The following CLSTN1 variants were observed in gnomAD, a reference collection of about 807,000 sequenced individuals.
The protein encoded by CLSTN1 is calsyntenin-1.
CLSTN1 carries 28 observed loss-of-function variants against 108.3 expected under a neutral mutation model. The ratio of observed to expected loss-of-function variants is 0.26; its 90% confidence interval spans 0.19 to 0.35. The LOEUF is 0.35. Among genes scored for constraint, CLSTN1 ranks in the 10% least tolerant of loss-of-function variants. The pLI is 1.00. For synonymous variants in CLSTN1, 524 were observed against 534.9 expected (o/e 0.98, Z 0.28); for missense variants, 1,157 against 1,302.6 (o/e 0.89, Z 1.72).
rs530717404 is a variant in CLSTN1 at position 9,807,912 on chromosome 1, C to A, written c.91+15731G>T. ...ACTAGGCTTCTGCCTCCTTCACAAC[C>A]CTTCTCTGGTACCTCGGCCTCCTAG... On this transcript the variant is annotated intron_variant, in intron 1 of 18. Transcript: ENST00000377298. Among the ~76,000 whole-genome samples the A allele has an allele frequency of 2.6e-5, 4 of 152,368 alleles. No homozygotes were observed. In the South Asian group the frequency reaches 8.3e-4, roughly 32 times the overall value.
intron 1 of CLSTN1, among the ~76,000 whole-genome samples, chr1:9,805,838 G>C (rs1654481422): frequency 2.1e-5 from 3 of 140,534 alleles, no homozygotes; most frequent in African/African-American, 8.3e-5. Flanking sequence ...CTGCACTCCA[G>C]CCTGGGTTAC....
chr1:9,788,526 C>T (rs1206989202), intron 1 of CLSTN1, among the ~76,000 whole-genome samples: 2 of 150,804 alleles, frequency 1.3e-5, no homozygotes, highest in Admixed American at 6.8e-5. Context: ...TGAGATCATG[C>T]CACTGTACTC....
chr1:9,785,325 A>G (rs947972423), intron 1 of CLSTN1, among the ~76,000 whole-genome samples: 7 of 151,902 alleles, frequency 4.6e-5, no homozygotes, highest in Admixed American at 1.3e-4. Flanking sequence ...AGATTTTTTA[A>G]TTACTCTTAT....
chr1:9,804,620 G>A (rs1202537650), intron 1 of CLSTN1, among the ~76,000 whole-genome samples: 5 of 152,080 alleles, frequency 3.3e-5, no homozygotes, highest in East Asian at 1.9e-4. Flanking sequence ...CAAGGTGGGC[G>A]GATCACTTGA....
Position 9,730,123 on chromosome 1 carries a change from AC to A in CLSTN1, c.*384del, listed in dbSNP as rs1650268440. ...TTTTTAAAAAAAGAAAAAAATGATT[AC>A]CGGGTGGGAGTGAGCATGTTTTACC... On this transcript the variant is annotated 3_prime_UTR_variant, in exon 19 of 19. Coordinates refer to ENST00000377298, the MANE Select transcript of CLSTN1 (RefSeq NM_001009566.3). This position sits in a 1 kb window ranked among gnomAD's most constrained non-coding sequence, Gnocchi z 5.6. 1 of 254,662 alleles carries A rather than the reference AC, an allele frequency of 3.9e-6. No individual in the cohort carries two copies. The highest frequency in any genetic ancestry group is 2.2e-5 in the African/African-American group (1 of 45,816). 15.8% of individuals were successfully genotyped at this position (254,662 alleles called of 1,614,324 possible). A position where few individuals can be genotyped will look rare whatever the true frequency, so the allele number is the denominator to read the frequency against.
rs1373976573 is a variant in CLSTN1, at chr1:9,730,626, T to C, written c.2828A>G (p.Asp943Gly). Residue 943 changes from aspartate to glycine, a missense_variant, in exon 19 of 19, where the codon GAT (aspartate) becomes GGT (glycine). Physicochemically the swap from Asp to Gly is moderately conservative, Grantham distance 94. Coordinates refer to ENST00000377298, the MANE Select transcript of CLSTN1 (RefSeq NM_001009566.3). The surrounding 1 kb of genome is among the most constrained non-coding windows in gnomAD (Gnocchi z 5.6). ...EEESEDGEEE[D>G]DITSAESESS... is the part of the protein sequence containing the mutation. ...CTCCGACTCGGCGCTGGTGATGTCATCCTCTTCTTCGCCGTCCTCGCTTTC... is the reference window on the plus strand; with the variant it reads ...CTCCGACTCGGCGCTGGTGATGTCACCCTCTTCTTCGCCGTCCTCGCTTTC... 6.2e-7 allele frequency: 1 copy of C among 1,610,400 alleles called. No homozygotes were observed. The highest frequency in any genetic ancestry group is 8.5e-7 in the Non-Finnish European group (1 of 1,179,832).
intron 1 of CLSTN1, among the ~76,000 whole-genome samples, chr1:9,821,980 TTAAG>T (rs1655207294): frequency 6.6e-6 from 1 of 152,330 alleles, no homozygotes; most frequent in East Asian, 1.9e-4. Flanking sequence ...TGTATGCTGT[TTAAG>T]TAACCAAGGC....
At position 9,790,231 on chromosome 1, in the gene CLSTN1, T is replaced by C. The variant is rs930510711; in HGVS notation, c.92-16837A>G. On this transcript the variant is annotated intron_variant, in intron 1 of 18. Coordinates refer to ENST00000377298, the MANE Select transcript of CLSTN1 (RefSeq NM_001009566.3). ...GTAATGCTTAGGGGTTTCCACAATG[T>C]CGCCAATTCTTTTTTCACCTTTAAG... 4.6e-5 allele frequency among the ~76,000 whole-genome samples: 7 copies of C among 151,404 alleles called. 1 individual carries two copies. Among genetic ancestry groups the C allele is most frequent in the African/African-American group, 1.7e-4 (7 of 41,424 alleles).
At chr1:9,782,496 A>G (rs1653292934) in intron 1 of CLSTN1, among the ~76,000 whole-genome samples, 1 of 152,234 alleles carries the variant, frequency 6.6e-6, no homozygotes, top group African/African-American at 2.4e-5. Flanking sequence ...TGCAAAAGCA[A>G]AGCTGGCAAT....
chr1:9,789,195 A>ACTG (rs1653647001), intron 1 of CLSTN1, among the ~76,000 whole-genome samples: 2 of 151,356 alleles, frequency 1.3e-5, no homozygotes, highest in Admixed American at 6.7e-5. Context: ...CAGAAGGCGG[A>ACTG]CTGCTGGATC....
intron 1 of CLSTN1, among the ~76,000 whole-genome samples, chr1:9,785,544 G>C (rs1294156803): frequency 2.6e-5 from 4 of 152,122 alleles, no homozygotes; most frequent in Non-Finnish European, 4.4e-5. Flanking sequence ...CCCGTGCATT[G>C]TGGGACGTTC....
rs1651150506 is a variant in CLSTN1 at position 9,744,486 on chromosome 1, G to A, written c.1143C>T (p.Ser381=). 3 of 1,611,758 alleles carry A rather than the reference G, an allele frequency of 1.9e-6. No homozygotes were observed. The highest frequency in any genetic ancestry group is 2.5e-6 in the Non-Finnish European group (3 of 1,179,884). ...CCGAGATGGTGAACGGCTCTTTGGG[G>A]CTGACCGACACGACGCCATCCGGGA... The part of the protein sequence containing the change: ...VRIPDGVVSV[S]PKEPFTISVW... The change falls in exon 8 of 19, where the codon AGC becomes AGT. Residue 381 remains serine (S), a synonymous_variant. Transcript: ENST00000377298.
Position 9,735,625 on chromosome 1 carries a change from C to T in CLSTN1, c.1735-10G>A, listed in dbSNP as rs772320442. 3.7e-5 allele frequency: 59 copies of T among 1,613,898 alleles called. No homozygotes were observed. The highest frequency in any genetic ancestry group is 4.9e-5 in the Non-Finnish European group (58 of 1,179,982). Reference sequence around the variant, plus strand: ...TGGGGTGTGCTTGGATCTGAAATCACACCAGCCACAGAGAGGAGAAGAATA... The same window carrying T: ...TGGGGTGTGCTTGGATCTGAAATCATACCAGCCACAGAGAGGAGAAGAATA... On this transcript the variant is annotated splice_polypyrimidine_tract_variant and intron_variant, in intron 12 of 18. Coordinates refer to ENST00000377298, the MANE Select transcript of CLSTN1 (RefSeq NM_001009566.3).
chr1:9,814,327 G>T (rs142421348), intron 1 of CLSTN1, among the ~76,000 whole-genome samples: 3 of 151,460 alleles, frequency 2.0e-5, no homozygotes, highest in African/African-American at 7.3e-5. Context: ...TGGGCAGATC[G>T]CTTGAACCTT....
At chr1:9,737,095 G>A (rs911896486) in intron 11 of CLSTN1, among the ~76,000 whole-genome samples, 4 of 151,936 alleles carry the variant, frequency 2.6e-5, no homozygotes, top group Admixed American at 6.6e-5. Flanking sequence ...AAAGAGAGAC[G>A]TCTATTTAAA....
chr1:9,734,280 G>T lies in CLSTN1; in HGVS notation c.2111-138C>A. On this transcript the variant is annotated intron_variant, in intron 14 of 18. Coordinates refer to ENST00000377298, the MANE Select transcript of CLSTN1 (RefSeq NM_001009566.3). The surrounding 1 kb of genome is among the most constrained non-coding windows in gnomAD (Gnocchi z 4.8). ...CCAACGACAGAAGCAAGCGAGAGTT[G>T]CTTTCAAGAAACGGCTGGGCGCAGT... is the stretch of plus-strand genomic sequence containing the variant. 1.2e-6 allele frequency: 1 copy of T among 846,662 alleles called. No individual in the cohort carries two copies. Among genetic ancestry groups the T allele is most frequent in the Non-Finnish European group, 1.8e-6 (1 of 548,090 alleles). 52.4% of individuals were successfully genotyped at this position (846,662 alleles called of 1,614,324 possible).
Position 9,750,715 on chromosome 1 carries a change from C to CAAAAAAAAAAA in CLSTN1, c.649+747_649+757dup, listed in dbSNP as rs775430059. Among the ~76,000 whole-genome samples, 56 of 77,168 alleles carry CAAAAAAAAAAA rather than the reference C, an allele frequency of 7.3e-4. 1 individual carries two copies. The highest frequency in any genetic ancestry group is 1.1e-3 in the African/African-American group (25 of 23,220). The allele number at this position is 77,168 out of a possible 152,430, so 50.6% of individuals were successfully genotyped here. On this transcript the variant is annotated intron_variant, in intron 5 of 18. Transcript: ENST00000377298. The stretch of plus-strand genomic sequence containing the variant: ...CGACAGAGCAAGACCTTCCCTCAAA[C>CAAAAAAAAAAA]AAAAAAAAAAAAAAAAAAGATGTCA...
chr1:9,742,122 A>T (rs1336504631), intron 9 of CLSTN1, among the ~76,000 whole-genome samples: 2 of 152,190 alleles, frequency 1.3e-5, no homozygotes, highest in Non-Finnish European at 2.9e-5. Context: ...CTGGGTCGTA[A>T]CTCAAACAAA....
chr1:9,737,406 T>C, intron 11 of CLSTN1, 92 bp downstream of exon 11: 1 of 1,194,134 alleles, frequency 8.4e-7, no homozygotes. Context: ...AGGACCAAAA[T>C]GCAACTGGGG....
Sources: allele counts gnomAD v4.1 joint callset (sites outside exome capture counted in the v4.1 genomes callset), GRCh38; gene constraint gnomAD v4.1.1; non-coding constraint Gnocchi (gnomAD v3.1); transcripts MANE v1.5; gene names NCBI Gene and HGNC (gene_info 2026-07-23, HGNC 2026-07-21).